Variants in ZNF438 observed in about 807,000 individuals in gnomAD.
ZNF438 encodes zinc finger protein 438.
ZNF438 carries 25 observed loss-of-function variants against 38.0 expected under a neutral mutation model. The observed-to-expected ratio is 0.66, with a 90% CI of 0.48 to 0.92. The LOEUF (loss-of-function observed/expected upper bound fraction) is 0.92, where lower values mean the gene tolerates loss of function less well. ZNF438 is among the 40% of genes least tolerant of loss of function. The probability of loss-of-function intolerance (pLI) is 0.00; values close to 1 mark genes in which losing one functional copy is unlikely to be tolerated. For missense variants in ZNF438, 1,007 were observed against 999.6 expected, an observed-to-expected ratio of 1.01 and a Z score of -0.10; for synonymous variants, 372 against 364.1, an observed-to-expected ratio of 1.02 and a Z score of -0.25.
chr10:30,951,233 T>C (rs1312661062), intron 1 of ZNF438, among the ~76,000 whole-genome samples: 3 of 151,424 alleles, frequency 2.0e-5, no homozygotes, highest in African/African-American at 4.8e-5. Flanking sequence ...AAATTAGGTA[T>C]TGATGGAACG....
At chr10:30,903,836 T>G (rs1390596186) in intron 3 of ZNF438, among the ~76,000 whole-genome samples, 2 of 152,240 alleles carry the variant, frequency 1.3e-5, no homozygotes, top group African/African-American at 4.8e-5. Context: ...GATTTGCTTT[T>G]GAAACTTGAA....
At chr10:30,950,444 A>C (rs1286947145) in intron 1 of ZNF438, among the ~76,000 whole-genome samples, 1 of 149,450 alleles carries the variant, frequency 6.7e-6, no homozygotes, top group Non-Finnish European at 1.5e-5. Flanking sequence ...CCTTCAAAAA[A>C]TTAATGAATC....
At chr10:30,893,846 T>A (rs1462831102) in intron 3 of ZNF438, among the ~76,000 whole-genome samples, 2 of 152,194 alleles carry the variant, frequency 1.3e-5, no homozygotes, top group African/African-American at 4.8e-5. Flanking sequence ...CAGAACGCAT[T>A]CAAAACTAAA....
At chr10:30,989,760 T>G (rs1366469187) in intron 1 of ZNF438, among the ~76,000 whole-genome samples, 1 of 152,226 alleles carries the variant, frequency 6.6e-6, no homozygotes, top group Non-Finnish European at 1.5e-5. Context: ...TCCAGTTCTA[T>G]AAGCACTCAT....
chr10:31,020,048 T>G (rs2056477342), intron 1 of ZNF438, among the ~76,000 whole-genome samples: 1 of 152,166 alleles, frequency 6.6e-6, no homozygotes, highest in Non-Finnish European at 1.5e-5. Flanking sequence ...AACCTAAGAT[T>G]CTTTATCATA....
chr10:30,890,950 C>G (rs1723860237), intron 3 of ZNF438, among the ~76,000 whole-genome samples: 1 of 152,166 alleles, frequency 6.6e-6, no homozygotes, highest in African/African-American at 2.4e-5. Context: ...GTACGCAATT[C>G]CAGGTTGAAA....
chr10:30,955,999 T>A (rs3006576), intron 1 of ZNF438, among the ~76,000 whole-genome samples: 1 of 151,998 alleles, frequency 6.6e-6, no homozygotes, highest in Non-Finnish European at 1.5e-5. Context: ...AAACAATTTT[T>A]CAAACACAAT....
rs1433222629 is a variant in ZNF438 at position 30,957,923 on chromosome 10, T to C, written c.-191-16272A>G. ...GGTGTTCTATTCCATTATGATTTGG[T>C]CTTGGTAGGCTGTATGACCTTTGAC... is the stretch of plus-strand genomic sequence containing the variant. On this transcript the variant is annotated intron_variant, in intron 1 of 5. Coordinates refer to ENST00000413025, the Ensembl canonical transcript of ZNF438. Among the ~76,000 whole-genome samples the C allele has an allele frequency of 2.4e-5, 3 of 127,616 alleles. 1 individual carries two copies. Among genetic ancestry groups the C allele is most frequent in the Non-Finnish European group, 5.8e-5 (3 of 51,718 alleles). The allele number at this position is 127,616 out of a possible 152,430, so 83.7% of individuals were successfully genotyped here. A position where few individuals can be genotyped will look rare whatever the true frequency, so the allele number is the denominator to read the frequency against.
intron 1 of ZNF438, among the ~76,000 whole-genome samples, chr10:30,972,060 C>T (rs1173619354): frequency 6.6e-6 from 1 of 151,926 alleles, no homozygotes; most frequent in Non-Finnish European, 1.5e-5. Flanking sequence ...AGCTCTGCCT[C>T]CCAGGTTCAC....
At chr10:30,865,414 T>A (rs369200082) in intron 4 of ZNF438, among the ~76,000 whole-genome samples, 1 of 151,948 alleles carries the variant, frequency 6.6e-6, no homozygotes, top group East Asian at 1.9e-4. Context: ...ATGACACTTT[T>A]AAGCAGCGAC....
intron 3 of ZNF438, among the ~76,000 whole-genome samples, chr10:30,906,599 C>A (rs1409901348): frequency 1.3e-5 from 2 of 152,154 alleles, no homozygotes; most frequent in Non-Finnish European, 2.9e-5. Flanking sequence ...ACCTCCAGTA[C>A]AAAGTTAAAT....
exon 5 of ZNF438, chr10:30,849,861 G>A (rs373915979): frequency 6.2e-7 from 1 of 1,614,170 alleles, no homozygotes; most frequent in Middle Eastern, 1.6e-4. Flanking sequence ...GCTTGCTCTA[G>A]TGATGGTACT....
intron 2 of ZNF438, among the ~76,000 whole-genome samples, chr10:30,917,181 A>C (rs2043738243): frequency 6.6e-6 from 1 of 151,924 alleles, no homozygotes; most frequent in South Asian, 2.1e-4. Context: ...CTTTCCCCTC[A>C]CAGATAATTT....
chr10:31,028,083 C>T (rs149591370), intron 1 of ZNF438, among the ~76,000 whole-genome samples: 1 of 151,956 alleles, frequency 6.6e-6, no homozygotes, highest in Admixed American at 6.6e-5. Context: ...TCCAGCTATA[C>T]GAGATGTAAT....
chr10:30,929,429 T>A (rs2045361258), intron 2 of ZNF438, among the ~76,000 whole-genome samples: 1 of 152,186 alleles, frequency 6.6e-6, no homozygotes, highest in Non-Finnish European at 1.5e-5. Flanking sequence ...GAGTTGTTCA[T>A]TCCTCCTGGT....
At position 30,949,472 on chromosome 10, in the gene ZNF438, C is replaced by A. The variant is rs188791945; in HGVS notation, c.-191-7821G>T. ...CAGACTGGCAAATTGGACAAAGGGT[C>A]AAGACCCATCAGTGTGCTGTATTCA... On this transcript the variant is annotated intron_variant, in intron 1 of 5. Transcript: ENST00000413025. Among the ~76,000 whole-genome samples the A allele has an allele frequency of 2.8e-3, 426 of 152,282 alleles. 1 individual carries two copies. The highest frequency in any genetic ancestry group is 9.4e-3 in the African/African-American group (390 of 41,550).
At chr10:30,880,685 C>T (rs988589482) in intron 3 of ZNF438, among the ~76,000 whole-genome samples, 1 of 151,936 alleles carries the variant, frequency 6.6e-6, no homozygotes, top group African/African-American at 2.4e-5. Flanking sequence ...CCAGACAAAT[C>T]CAGACATAGA....
chr10:30,976,180 CA>C (rs1564776038), intron 1 of ZNF438, among the ~76,000 whole-genome samples: 1 of 151,766 alleles, frequency 6.6e-6, no homozygotes, highest in African/African-American at 2.4e-5. Flanking sequence ...ACAATGAAAA[CA>C]AGGAAGAATT....
At chr10:31,009,518 A>C (rs1363373908) in intron 1 of ZNF438, among the ~76,000 whole-genome samples, 1 of 152,218 alleles carries the variant, frequency 6.6e-6, no homozygotes, top group Non-Finnish European at 1.5e-5. Flanking sequence ...CTCAAAAAAT[A>C]CTAAGTATTA....
Sources: allele counts gnomAD v4.1 joint callset (sites outside exome capture counted in the v4.1 genomes callset), GRCh38; gene constraint gnomAD v4.1.1; transcripts MANE v1.5; gene names NCBI Gene and HGNC (gene_info 2026-07-23, HGNC 2026-07-21).